The following KBTBD12 variants were observed in gnomAD, a reference collection of about 807,000 sequenced individuals.
KBTBD12 encodes the protein kelch repeat and BTB domain containing 12.
In KBTBD12, 53 loss-of-function variants were observed where a neutral mutation model predicts 58.7. The ratio of observed to expected loss-of-function variants is 0.90; its 90% CI spans 0.72 to 1.14. KBTBD12 has a LOEUF of 1.14. KBTBD12 is among the 50% of genes most tolerant of loss of function. The probability of loss-of-function intolerance (pLI) is 0.00; values close to 1 mark genes in which losing one functional copy is unlikely to be tolerated. For missense variants in KBTBD12, 704 were observed against 751.3 expected (o/e 0.94, Z 0.74); for synonymous variants, 236 against 259.8 (o/e 0.91, Z 0.88).
intron 3 of KBTBD12, among the ~76,000 whole-genome samples, chr3:127,929,507 G>A (rs9845449): frequency 0.62 from 93,582 of 151,928 alleles, 29,516 homozygotes; most frequent in African/African-American, 0.75. Context: ...TGTAAGAAAA[G>A]GTTGTTTAAT....
At chr3:127,925,491 A>G (rs1291274312) in intron 2 of KBTBD12, among the ~76,000 whole-genome samples, 2 of 152,100 alleles carry the variant, frequency 1.3e-5, no homozygotes, top group African/African-American at 4.8e-5. Context: ...CAATTCTGCC[A>G]TCACATCTTA....
rs111952325 is a variant in KBTBD12, at chr3:127,976,890, A to G, written c.1691-7207A>G. On this transcript the variant is annotated intron_variant, in intron 5 of 5. Coordinates refer to ENST00000405109, the MANE Select transcript of KBTBD12 (RefSeq NM_207335.4). ...TTTTAACTTTTAGGTTCAGGGGTAC[A>G]TGTGCAGGTTTGTTATATAGGTAAA... Among the ~76,000 whole-genome samples, 1,234 of 152,306 alleles carry G rather than the reference A, an allele frequency of 8.1e-3. 26 individuals are homozygous for G. Among genetic ancestry groups the G allele is most frequent in the African/African-American group, 0.028 (1,181 of 41,554 alleles).
chr3:127,952,418 GT>G (rs1553713429), intron 4 of KBTBD12, among the ~76,000 whole-genome samples: 3 of 152,162 alleles, frequency 2.0e-5, no homozygotes, highest in South Asian at 2.1e-4. Flanking sequence ...GGTTTCATGG[GT>G]TTTTTTCCTC....
intron 5 of KBTBD12, among the ~76,000 whole-genome samples, chr3:127,966,042 C>G (rs1323363568): frequency 6.6e-6 from 1 of 152,182 alleles, no homozygotes; most frequent in African/African-American, 2.4e-5. Flanking sequence ...CTGCCCTACT[C>G]TTGATAGTGA....
At position 127,915,596 on chromosome 3, in the gene KBTBD12, G is replaced by C. The variant is rs868006584; in HGVS notation, c.-113+10G>C. ...ACCAGGCAGCACCTTCGTAAGTAGG[G>C]GTAGCGCCCCGGGGGAACGCGGCCC... On this transcript the variant is annotated intron_variant, in intron 1 of 5. Coordinates refer to ENST00000405109, the MANE Select transcript of KBTBD12 (RefSeq NM_207335.4). 6.6e-6 allele frequency: 1 copy of C among 152,312 alleles called. No individual in the cohort carries two copies. The highest frequency in any genetic ancestry group is 1.5e-5 in the Non-Finnish European group (1 of 68,100). The allele number at this position is 152,312 out of a possible 1,614,324, so 9.4% of individuals were successfully genotyped here. A position where few individuals can be genotyped will look rare whatever the true frequency, so the allele number is the denominator to read the frequency against.
rs114237967 is a variant in KBTBD12 at position 127,918,085 on chromosome 3, A to G, written c.-113+2499A>G. The stretch of plus-strand genomic sequence containing the variant: ...ATAAATTAGGCATAGTGGTGCATGT[A>G]GTGGTGCAGCTACAGGGGAGGCTGA... On this transcript the variant is annotated intron_variant, in intron 1 of 5. Coordinates refer to ENST00000405109, the MANE Select transcript of KBTBD12 (RefSeq NM_207335.4). 4.1e-3 allele frequency among the ~76,000 whole-genome samples: 628 copies of G among 152,268 alleles called. 1 individual carries two copies. Among genetic ancestry groups the G allele is most frequent in the African/African-American group, 0.014 (589 of 41,550 alleles).
intron 4 of KBTBD12, among the ~76,000 whole-genome samples, chr3:127,962,179 A>G (rs972099159): frequency 6.6e-6 from 1 of 152,224 alleles, no homozygotes; most frequent in African/African-American, 2.4e-5. Flanking sequence ...GTCTGCAAAT[A>G]CAGGCATGTC....
At position 127,985,466 on chromosome 3, in the gene KBTBD12, T is replaced by C. The variant is rs151317342; in HGVS notation, c.*1188T>C. On this transcript the variant is annotated 3_prime_UTR_variant, in exon 6 of 6. Coordinates refer to ENST00000405109, the MANE Select transcript of KBTBD12 (RefSeq NM_207335.4). ...AATGAGGGCATCTTCATAGCTCTTCTTCAGCAACTTCTCCAAAGAGTTTCA... is the reference window on the plus strand; with the variant it reads ...AATGAGGGCATCTTCATAGCTCTTCCTCAGCAACTTCTCCAAAGAGTTTCA... The C allele has an allele frequency of 7.9e-5, 12 of 152,396 alleles. No individual in the cohort carries two copies. Among genetic ancestry groups the C allele is most frequent in the Non-Finnish European group, 1.8e-4 (12 of 68,058 alleles). 9.4% of individuals were successfully genotyped at this position (152,396 alleles called of 1,614,324 possible).
At chr3:127,917,894 TG>T (rs974081385) in intron 1 of KBTBD12, among the ~76,000 whole-genome samples, 1 of 152,182 alleles carries the variant, frequency 6.6e-6, no homozygotes, top group African/African-American at 2.4e-5. Context: ...AACTCCTGTG[TG>T]CTAAGTGTCA....
chr3:127,937,190 C>T (rs946281724), intron 4 of KBTBD12, among the ~76,000 whole-genome samples: 3 of 151,738 alleles, frequency 2.0e-5, no homozygotes, highest in African/African-American at 7.3e-5. Context: ...ACAACAACAA[C>T]AACAACAACA....
chr3:127,941,485 G>A (rs1045960743), intron 4 of KBTBD12, among the ~76,000 whole-genome samples: 2 of 152,156 alleles, frequency 1.3e-5, no homozygotes, highest in Non-Finnish European at 2.9e-5. Flanking sequence ...TGTTCATAAT[G>A]AAAAATTCTC....
At chr3:127,959,726 C>G (rs373249047) in intron 4 of KBTBD12, among the ~76,000 whole-genome samples, 1 of 152,350 alleles carries the variant, frequency 6.6e-6, no homozygotes, top group East Asian at 1.9e-4. Context: ...GGGAGTTCCT[C>G]CTTACCCTTC....
intron 4 of KBTBD12, among the ~76,000 whole-genome samples, chr3:127,947,182 C>T (rs780952223): frequency 4.1e-4 from 62 of 152,080 alleles, no homozygotes; most frequent in Non-Finnish European, 7.6e-4. Context: ...TTCTTGTATA[C>T]TGAGCTATGG....
intron 5 of KBTBD12, among the ~76,000 whole-genome samples, chr3:127,972,555 C>T (rs1940704250): frequency 6.6e-6 from 1 of 152,078 alleles, no homozygotes; most frequent in South Asian, 2.1e-4. Context: ...TCATTGAGGG[C>T]AAAATAAGGA....
chr3:127,943,547 T>G (rs1940005193), intron 4 of KBTBD12, among the ~76,000 whole-genome samples: 1 of 152,088 alleles, frequency 6.6e-6, no homozygotes, highest in Non-Finnish European at 1.5e-5. Context: ...GTTATTTGGG[T>G]TTTTTTGCTA....
At chr3:127,921,689 A>T (rs1009971892) in intron 1 of KBTBD12, among the ~76,000 whole-genome samples, 1 of 152,180 alleles carries the variant, frequency 6.6e-6, no homozygotes, top group Non-Finnish European at 1.5e-5. Context: ...CAACAAATAC[A>T]TATAGGCCAG....
intron 4 of KBTBD12, among the ~76,000 whole-genome samples, chr3:127,941,225 A>G (rs1939943186): frequency 6.6e-6 from 1 of 152,208 alleles, no homozygotes; most frequent in Non-Finnish European, 1.5e-5. Flanking sequence ...GACAGTACAG[A>G]AAAAGAAAAC....
intron 3 of KBTBD12, among the ~76,000 whole-genome samples, chr3:127,928,761 C>T (rs560322219): frequency 5.9e-5 from 9 of 152,340 alleles, no homozygotes; most frequent in African/African-American, 2.2e-4. Context: ...CATTGGTCAT[C>T]CTCATGGCAT....
chr3:127,954,178 C>T (rs1192516444), intron 4 of KBTBD12, among the ~76,000 whole-genome samples: 1 of 152,174 alleles, frequency 6.6e-6, no homozygotes, highest in Non-Finnish European at 1.5e-5. Flanking sequence ...AGTTAAGCTT[C>T]TTTAATCTAA....
Sources: allele counts gnomAD v4.1 joint callset (sites outside exome capture counted in the v4.1 genomes callset), GRCh38; gene constraint gnomAD v4.1.1; transcripts MANE v1.5; gene names NCBI Gene and HGNC (gene_info 2026-07-23, HGNC 2026-07-21).